Variants in GUCY1A2 observed in about 807,000 individuals in gnomAD.
GUCY1A2 encodes guanylate cyclase 1 soluble subunit alpha 2.
A neutral mutation model predicts 63.5 loss-of-function variants in GUCY1A2; 27 were observed. That is an observed-to-expected ratio of 0.43 (90% confidence interval 0.31 to 0.59). GUCY1A2 has a LOEUF of 0.59. Among genes scored for constraint, GUCY1A2 ranks in the 20% least tolerant of loss-of-function variants. The pLI, the probability that GUCY1A2 is intolerant of heterozygous loss-of-function variation, is 0.11. For missense variants in GUCY1A2, 768 were observed against 913.3 expected, an observed-to-expected ratio of 0.84 and a Z score of 2.05; for synonymous variants, 364 against 343.5, an observed-to-expected ratio of 1.06 and a Z score of -0.66.
chr11:106,944,297 A>G (rs1295852071), intron 3 of GUCY1A2, among the ~76,000 whole-genome samples: 1 of 94,002 alleles, frequency 1.1e-5, no homozygotes, highest in Non-Finnish European at 2.6e-5. Context: ...ATACAAAAAA[A>G]GAGCCAGGCA....
intron 4 of GUCY1A2, among the ~76,000 whole-genome samples, chr11:106,915,280 T>C (rs1860355454): frequency 6.6e-6 from 1 of 152,096 alleles, no homozygotes; most frequent in African/African-American, 2.4e-5. Context: ...TGCCTGAATA[T>C]AGCCTGTGGA....
chr11:106,765,174 A>AC (rs11382599), intron 6 of GUCY1A2, among the ~76,000 whole-genome samples: 145,453 of 152,004 alleles, frequency 0.96, 69,636 homozygotes, highest in East Asian at 0.99. Flanking sequence ...TAATATGTAA[A>AC]TGTCAAGCTA....
At chr11:106,899,426 GCT>G (rs1860095689) in intron 4 of GUCY1A2, among the ~76,000 whole-genome samples, 1 of 152,146 alleles carries the variant, frequency 6.6e-6, no homozygotes, top group Non-Finnish European at 1.5e-5. Flanking sequence ...CTCAAAGCAT[GCT>G]GTTTCCATGG....
At chr11:106,937,508 AC>A (rs929988315) in intron 4 of GUCY1A2, among the ~76,000 whole-genome samples, 3 of 152,208 alleles carry the variant, frequency 2.0e-5, no homozygotes, top group African/African-American at 4.8e-5. Flanking sequence ...ATTTCCAAAA[AC>A]ACCAACTTCA....
rs1860679361 is a variant in GUCY1A2, at chr11:106,936,543, G to T, written c.1206+2917C>A. On this transcript the variant is annotated intron_variant, in intron 4 of 7. Coordinates refer to ENST00000526355, the MANE Select transcript of GUCY1A2 (RefSeq NM_000855.3). Reference sequence around the variant, plus strand: ...ATAATGAGGAAAAAGAAAATAGGGAGAGAGAAGAATATGTGAGGCATGGAT... The same window carrying T: ...ATAATGAGGAAAAAGAAAATAGGGATAGAGAAGAATATGTGAGGCATGGAT... 3 of 561,208 alleles carry T rather than the reference G, an allele frequency of 5.3e-6. No homozygotes were observed. In the South Asian group the frequency reaches 8.0e-5, roughly 15 times the overall value. 34.8% of individuals were successfully genotyped at this position (561,208 alleles called of 1,614,324 possible). A position where few individuals can be genotyped will look rare whatever the true frequency, so the allele number is the denominator to read the frequency against.
intron 2 of GUCY1A2, among the ~76,000 whole-genome samples, chr11:106,983,043 G>A (rs796925311): frequency 1.3e-5 from 2 of 152,304 alleles, no homozygotes; most frequent in African/African-American, 4.8e-5. Context: ...GTTTTAACAA[G>A]GCTGGCAGGT....
At chr11:106,783,500 G>A (rs1864501030) in intron 5 of GUCY1A2, among the ~76,000 whole-genome samples, 1 of 152,122 alleles carries the variant, frequency 6.6e-6, no homozygotes, top group Admixed American at 6.5e-5. Context: ...GGTATTTCAG[G>A]AGTTGGGCTA....
chr11:106,690,103 A>G (rs948783470), intron 7 of GUCY1A2, among the ~76,000 whole-genome samples: 7 of 152,172 alleles, frequency 4.6e-5, no homozygotes, highest in African/African-American at 1.7e-4. Flanking sequence ...ATGGTGGAAG[A>G]CAGTGTGGAG....
chr11:106,890,491 T>TG (rs1185690222), intron 4 of GUCY1A2, among the ~76,000 whole-genome samples: 3 of 152,312 alleles, frequency 2.0e-5, no homozygotes, highest in African/African-American at 7.2e-5. Context: ...GCTCAGTAAA[T>TG]GGCCATTGCT....
chr11:106,760,375 A>C (rs939158434), intron 6 of GUCY1A2, among the ~76,000 whole-genome samples: 1 of 152,196 alleles, frequency 6.6e-6, no homozygotes, highest in South Asian at 2.1e-4. Flanking sequence ...GAACAATTCT[A>C]AGCTATGATG....
rs1415596435 is a variant in GUCY1A2 at position 106,764,969 on chromosome 11, T to TTGG, written c.1836+11467_1836+11469dup. 6.2e-4 allele frequency among the ~76,000 whole-genome samples: 18 copies of TTGG among 28,910 alleles called. No individual in the cohort carries two copies. In the East Asian group the frequency reaches 0.026, roughly 41 times the overall value. The allele number at this position is 28,910 out of a possible 152,430, so 19.0% of individuals were successfully genotyped here. On this transcript the variant is annotated intron_variant, in intron 6 of 7. Transcript: ENST00000526355. ...AACGAAACTTACTTTGCAGATTTTT[T>TTGG]TGGGGGGGGGTTGGGGGGCAGGAAT... is the stretch of plus-strand genomic sequence containing the variant.
chr11:106,896,523 T>C (rs1167324038), intron 4 of GUCY1A2, among the ~76,000 whole-genome samples: 56 of 152,192 alleles, frequency 3.7e-4, no homozygotes, highest in Admixed American at 3.7e-3. Flanking sequence ...CCAAAATACA[T>C]GTTGAAACAT....
intron 5 of GUCY1A2, among the ~76,000 whole-genome samples, chr11:106,805,081 G>T (rs190945398): frequency 3.3e-4 from 50 of 152,108 alleles, no homozygotes; most frequent in South Asian, 6.2e-4. Flanking sequence ...TAGAATTTGG[G>T]TCCTGGTATT....
intron 1 of GUCY1A2, among the ~76,000 whole-genome samples, chr11:106,997,256 G>A (rs933745965): frequency 1.3e-5 from 2 of 152,026 alleles, no homozygotes; most frequent in African/African-American, 4.8e-5. Context: ...TGATAATCAA[G>A]ACTTCCTTCA....
At chr11:106,733,656 G>A (rs987979538) in intron 6 of GUCY1A2, among the ~76,000 whole-genome samples, 2 of 152,158 alleles carry the variant, frequency 1.3e-5, no homozygotes, top group African/African-American at 2.4e-5. Context: ...AGACACATGA[G>A]GTTTAGAAGT....
At chr11:106,714,126 C>CTAAT (rs1238579901) in intron 6 of GUCY1A2, among the ~76,000 whole-genome samples, 2 of 151,064 alleles carry the variant, frequency 1.3e-5, no homozygotes, top group East Asian at 2.0e-4. Context: ...TCTTTTCAGC[C>CTAAT]TAATTTTTAG....
At chr11:106,782,161 T>C (rs1864476356) in intron 5 of GUCY1A2, among the ~76,000 whole-genome samples, 1 of 152,130 alleles carries the variant, frequency 6.6e-6, no homozygotes, top group Admixed American at 6.5e-5. Context: ...CAGTCCTAGG[T>C]CTGTGCCTCT....
intron 4 of GUCY1A2, among the ~76,000 whole-genome samples, chr11:106,882,753 G>A (rs966352075): frequency 6.6e-6 from 1 of 151,942 alleles, no homozygotes; most frequent in Non-Finnish European, 1.5e-5. Flanking sequence ...ATCAAAATGT[G>A]TCCCCAAAAG....
At chr11:106,695,980 C>T (rs946841074) in intron 7 of GUCY1A2, among the ~76,000 whole-genome samples, 4 of 152,056 alleles carry the variant, frequency 2.6e-5, no homozygotes, top group East Asian at 1.9e-4. Context: ...GGCACTTCAG[C>T]GACACCCCTG....
Sources: gnomAD v4.1 joint callset for allele counts (sites outside exome capture counted in the v4.1 genomes callset) on GRCh38, gnomAD v4.1.1 for gene constraint, MANE v1.5 for transcripts, NCBI Gene and HGNC (gene_info 2026-07-23, HGNC 2026-07-21) for gene names.